The following ARFGEF3 variants were observed in gnomAD, a reference collection of about 807,000 sequenced individuals.
The protein encoded by ARFGEF3 is ARFGEF family member 3.
Under a neutral mutation model 221.7 loss-of-function variants are expected in ARFGEF3, and 96 were observed. The ratio of observed to expected loss-of-function variants is 0.43; its 90% CI spans 0.37 to 0.51. ARFGEF3 has a LOEUF of 0.51. Among genes scored for constraint, ARFGEF3 ranks in the 20% least tolerant of loss-of-function variants. The probability of loss-of-function intolerance (pLI) is 0.00; values close to 1 mark genes in which losing one functional copy is unlikely to be tolerated. For synonymous variants in ARFGEF3, 1,145 were observed against 1,126.8 expected (o/e 1.02, Z -0.32); for missense variants, 2,410 against 2,789.9 (o/e 0.86, Z 3.07).
At chr6:138,202,306 C>T (rs1042482971) in intron 2 of ARFGEF3, among the ~76,000 whole-genome samples, 2 of 152,056 alleles carry the variant, frequency 1.3e-5, no homozygotes, top group African/African-American at 4.8e-5. Context: ...GTTGCATTTT[C>T]ATTATAAATT....
intron 22 of ARFGEF3, among the ~76,000 whole-genome samples, 173 bp from the exon 23 acceptor site, chr6:138,307,080 A>G (rs542407585): frequency 5.2e-5 from 8 of 152,384 alleles, no homozygotes; most frequent in African/African-American, 1.7e-4. Flanking sequence ...ATGCAAATTA[A>G]TACAATACGG....
Position 138,207,104 on chromosome 6 carries a change from A to C in ARFGEF3, c.200A>C (p.His67Pro). ...TCCAAGAATGTGAAGCTGGCCCAAC[A>C]TGCTTTGGCAGGGATGCAGGTATGG... ...LESKNVKLAQ[H>P]ALAGMQKLLS... Residue 67 changes from histidine to proline, a missense_variant, in exon 3 of 34, where the codon CAT becomes CCT. By Grantham distance (77) the His-to-Pro change is moderately conservative. Around this residue, in one of 5 missense-constraint regions of ARFGEF3, gnomAD observed 570 missense variants for 586.9 expected, o/e 0.97. Transcript: ENST00000251691. The C allele has an allele frequency of 6.2e-7, 1 of 1,611,134 alleles. No individual in the cohort carries two copies. Among genetic ancestry groups the C allele is most frequent in the Non-Finnish European group, 8.5e-7 (1 of 1,178,854 alleles).
intron 8 of ARFGEF3, among the ~76,000 whole-genome samples, chr6:138,248,074 G>A (rs905819024): frequency 1.3e-5 from 2 of 152,142 alleles, no homozygotes; most frequent in African/African-American, 4.8e-5. Flanking sequence ...TCTAGCACTG[G>A]GCATCTTAAG....
At chr6:138,183,370 T>A (rs1008711051) in intron 2 of ARFGEF3, among the ~76,000 whole-genome samples, 2 of 152,212 alleles carry the variant, frequency 1.3e-5, no homozygotes, top group African/African-American at 4.8e-5. Flanking sequence ...AGGATTTGAT[T>A]AAGAAAGAAA....
intron 4 of ARFGEF3, among the ~76,000 whole-genome samples, chr6:138,210,556 A>G (rs770543267): frequency 1.1e-3 from 168 of 151,576 alleles, no homozygotes; most frequent in Non-Finnish European, 2.0e-3. Context: ...TAGGGATAGC[A>G]TCTCTCCCTC....
At chr6:138,250,485 G>A (rs1778559889) in intron 8 of ARFGEF3, among the ~76,000 whole-genome samples, 1 of 152,188 alleles carries the variant, frequency 6.6e-6, no homozygotes. Context: ...GCCTGCCAAA[G>A]CATTCCCACT....
At position 138,321,148 on chromosome 6, in the gene ARFGEF3, G is replaced by A; in HGVS notation, c.4689G>A (p.Lys1563=). 1.9e-6 allele frequency: 3 copies of A among 1,564,424 alleles called. No homozygotes were observed. The highest frequency in any genetic ancestry group is 2.6e-6 in the Non-Finnish European group (3 of 1,152,980). The change falls in exon 29 of 34, where the codon AAG becomes AAA. Residue 1563 remains lysine (K), a synonymous_variant. Transcript: ENST00000251691. ...AGAGCATGATCAATACCATGCTGAAGGACCTCTTTGAGTTGCTGGTCGCCT... is the reference window on the plus strand; with the variant it reads ...AGAGCATGATCAATACCATGCTGAAAGACCTCTTTGAGTTGCTGGTCGCCT... ...RYESMINTML[K]DLFELLVACV... is the part of the protein sequence containing the mutation.
rs1241852956 is a variant in ARFGEF3, at chr6:138,298,929, G to A, written c.3828+144G>A. On this transcript the variant is annotated intron_variant, in intron 22 of 33. Transcript: ENST00000251691. ...GAGAAGTTAAGCAGGGCTGGGCGTGGTGGCTCACACCTGTAATCCCAGCAC... is the reference window on the plus strand; with the variant it reads ...GAGAAGTTAAGCAGGGCTGGGCGTGATGGCTCACACCTGTAATCCCAGCAC... 3.5e-5 allele frequency: 24 copies of A among 676,486 alleles called. No individual in the cohort carries two copies. In the East Asian group the frequency reaches 7.0e-4, roughly 20 times the overall value. The allele number at this position is 676,486 out of a possible 1,614,324, so 41.9% of individuals were successfully genotyped here. A position where few individuals can be genotyped will look rare whatever the true frequency, so the allele number is the denominator to read the frequency against.
intron 2 of ARFGEF3, among the ~76,000 whole-genome samples, chr6:138,172,746 T>C (rs1776862671): frequency 6.6e-6 from 1 of 152,208 alleles, no homozygotes; most frequent in Non-Finnish European, 1.5e-5. Context: ...CCTTATTATA[T>C]AGCAACAGAA....
chr6:138,316,141 AT>A (rs901550733), intron 26 of ARFGEF3, among the ~76,000 whole-genome samples: 27 of 151,354 alleles, frequency 1.8e-4, no homozygotes, highest in Non-Finnish European at 3.1e-4. Context: ...CAAATCTTTG[AT>A]TTTTTTTTCT....
chr6:138,319,521 G>A (rs1000682857), intron 27 of ARFGEF3, among the ~76,000 whole-genome samples, 182 bp from the exon 28 acceptor site: 13 of 151,470 alleles, frequency 8.6e-5, no homozygotes, highest in African/African-American at 1.5e-4. Flanking sequence ...CTAAAACCCC[G>A]CAGAAAAAAA....
At chr6:138,193,822 T>C (rs1362710913) in intron 2 of ARFGEF3, among the ~76,000 whole-genome samples, 3 of 152,212 alleles carry the variant, frequency 2.0e-5, no homozygotes, top group Non-Finnish European at 4.4e-5. Flanking sequence ...TTGAAGAGAA[T>C]ATGAAGTCAG....
chr6:138,312,464 C>G (rs1779846947), intron 25 of ARFGEF3, among the ~76,000 whole-genome samples: 2 of 152,038 alleles, frequency 1.3e-5, no homozygotes, highest in East Asian at 3.9e-4. Flanking sequence ...TATGACGCGA[C>G]CCCTGCCCGG....
intron 25 of ARFGEF3, among the ~76,000 whole-genome samples, chr6:138,313,546 T>C (rs1380829794): frequency 2.0e-5 from 3 of 152,268 alleles, no homozygotes; most frequent in Non-Finnish European, 4.4e-5. Flanking sequence ...ATTAAGATAC[T>C]GAACAATTAT....
In ARFGEF3 at chr6:138,286,834, A is replaced by G. The variant is rs767291576; in HGVS notation, c.2703A>G (p.Lys901=). 1.2e-6 allele frequency: 2 copies of G among 1,614,048 alleles called. No homozygotes were observed. The highest frequency in any genetic ancestry group is 1.7e-6 in the Non-Finnish European group (2 of 1,179,904). ...LAFILGAEGI[K]EQNQKERDAI... is the part of the protein sequence containing the mutation. ...TCATTCTGGGAGCTGAAGGCATCAA[A>G]GAGCAGAACCAGAAGGAGCGGGACG... is the stretch of plus-strand genomic sequence containing the variant. The change falls in exon 16 of 34, where the codon AAA becomes AAG. Residue 901 remains lysine, a synonymous_variant. Transcript: ENST00000251691.
intron 1 of ARFGEF3, 94 bp from the exon 2 acceptor site, chr6:138,170,568 T>G (rs1776808192): frequency 2.9e-6 from 2 of 688,810 alleles, no homozygotes; most frequent in Non-Finnish European, 5.0e-6. Flanking sequence ...ATTAGAGGAA[T>G]TCCTGAAAAG....
intron 2 of ARFGEF3, among the ~76,000 whole-genome samples, chr6:138,188,764 T>C (rs1488862610): frequency 1.3e-5 from 2 of 152,222 alleles, no homozygotes; most frequent in Non-Finnish European, 2.9e-5. Context: ...AGGCTACTTG[T>C]TGGGCAGGTT....
Position 138,287,132 on chromosome 6 carries a change from A to G in ARFGEF3, c.2844A>G (p.Gln948=). ...AGATGGCAGCTGCCTCCTGTGTCCA[A>G]GAAGAAAAAGAAGAGAGGGAGGCCC... ...LAQMAAASCV[Q]EEKEEREAQE... The change falls in exon 17 of 34, where the codon CAA becomes CAG. Residue 948 remains glutamine, a synonymous_variant. Coordinates refer to ENST00000251691, the MANE Select transcript of ARFGEF3 (RefSeq NM_020340.5). 6.4e-7 allele frequency: 1 copy of G among 1,574,764 alleles called. No individual in the cohort carries two copies. The highest frequency in any genetic ancestry group is 1.2e-5 in the South Asian group (1 of 85,676).
intron 30 of ARFGEF3, 105 bp downstream of exon 30, chr6:138,323,878 G>GTCTC: frequency 6.5e-7 from 1 of 1,534,572 alleles, no homozygotes; most frequent in Non-Finnish European, 9.0e-7. Flanking sequence ...TGAGCAGGCA[G>GTCTC]TCTCACTTTA....
Sources: gnomAD v4.1 joint callset for allele counts (sites outside exome capture counted in the v4.1 genomes callset) on GRCh38, gnomAD v4.1.1 for gene constraint, gnomAD v4.1.1 regional missense constraint, MANE v1.5 for transcripts, NCBI Gene and HGNC (gene_info 2026-07-23, HGNC 2026-07-21) for gene names.